FMN1: variants seen among roughly 807,000 people sequenced by gnomAD.
FMN1 encodes the protein formin-1.
Under a neutral mutation model 132.4 loss-of-function variants are expected in FMN1, and 110 were observed. The observed-to-expected ratio is 0.83, with a 90% confidence interval of 0.71 to 0.97. The LOEUF is 0.97. Ranked by LOEUF, FMN1 falls within the 50% of genes least tolerant of loss-of-function variation. FMN1 has a pLI of 0.00. For missense variants in FMN1, 1,792 were observed against 1,705.3 expected, an observed-to-expected ratio of 1.05 and a Z score of -0.90; for synonymous variants, 722 against 651.7, an observed-to-expected ratio of 1.11 and a Z score of -1.64.
chr15:32,877,280 C>G (rs57291244), intron 16 of FMN1, among the ~76,000 whole-genome samples: 1 of 138,028 alleles, frequency 7.2e-6, no homozygotes, highest in East Asian at 2.1e-4. Context: ...GAACAATATT[C>G]TGTCTCAGGA....
At chr15:33,001,982 C>T (rs1487006250) in intron 7 of FMN1, among the ~76,000 whole-genome samples, 1 of 152,094 alleles carries the variant, frequency 6.6e-6, no homozygotes, top group Non-Finnish European at 1.5e-5. Context: ...ATAGGGCTTG[C>T]ATTTTGCTGG....
intron 6 of FMN1, among the ~76,000 whole-genome samples, chr15:33,053,737 TGGAGAG>T (rs770291411): frequency 6.6e-6 from 1 of 152,036 alleles, no homozygotes; most frequent in Non-Finnish European, 1.5e-5. Flanking sequence ...AGCTGCCAAA[TGGAGAG>T]GTATAGGTGA....
In FMN1 at chr15:32,782,983, G is replaced by A. The variant is rs1238927654; in HGVS notation, c.4131-6064C>T. Among the ~76,000 whole-genome samples the A allele has an allele frequency of 3.9e-4, 27 of 69,898 alleles. No individual in the cohort carries two copies. In the Admixed American group the frequency reaches 4.9e-3, roughly 13 times the overall value. The allele number at this position is 69,898 out of a possible 152,430, so 45.9% of individuals were successfully genotyped here. ...CATGGACATATAGAGGGAAATAACA[G>A]ACGCTGGGGGTGGGGAGAGTGGGGA... On this transcript the variant is annotated intron_variant, in intron 19 of 20. Coordinates refer to ENST00000616417, the MANE Select transcript of FMN1 (RefSeq NM_001277313.2).
intron 4 of FMN1, among the ~76,000 whole-genome samples, chr15:33,116,534 G>C (rs1215350155): frequency 2.0e-5 from 3 of 152,084 alleles, no homozygotes; most frequent in East Asian, 3.9e-4. Context: ...TTCAAGAATC[G>C]TTCTTTGCTC....
intron 6 of FMN1, among the ~76,000 whole-genome samples, chr15:33,048,631 C>CAAAAAAAAAAAAAAAAAAAAAAAAAAAAA (rs768997793): frequency 1.2e-4 from 5 of 43,432 alleles, no homozygotes; most frequent in African/African-American, 1.5e-4. Flanking sequence ...GGCAATTTAC[C>CAAAAAAAAAAAAAAAAAAAAAAAAAAAAA]AAAAAAAAAA....
At chr15:32,822,377 T>C (rs1304383533) in intron 17 of FMN1, among the ~76,000 whole-genome samples, 1 of 151,626 alleles carries the variant, frequency 6.6e-6, no homozygotes, top group African/African-American at 2.4e-5. Flanking sequence ...AAAAAGATGA[T>C]CTACGATTAG....
In FMN1 at chr15:32,814,937, T is replaced by TTTA. The variant is rs141495665; in HGVS notation, c.3929-10608_3929-10606dup. ...GTAATAGGCTGCATGTTTATTTTAT[T>TTTA]TTATTATTATTATTATTATTTTTGA... On this transcript the variant is annotated intron_variant, in intron 17 of 20. Coordinates refer to ENST00000616417, the MANE Select transcript of FMN1 (RefSeq NM_001277313.2). 4.0e-5 allele frequency among the ~76,000 whole-genome samples: 6 copies of TTTA among 151,034 alleles called. No homozygotes were observed. The East Asian group carries it at 9.8e-4, about 25-fold the overall frequency.
At chr15:32,930,721 G>GGT (rs1567414292) in intron 9 of FMN1, among the ~76,000 whole-genome samples, 2 of 142,040 alleles carry the variant, frequency 1.4e-5, no homozygotes, top group African/African-American at 5.7e-5. Flanking sequence ...TGCTTTTTTT[G>GGT]GGGGGGGGCG....
At chr15:33,127,638 AAC>A (rs2140209762) in intron 4 of FMN1, among the ~76,000 whole-genome samples, 1 of 135,330 alleles carries the variant, frequency 7.4e-6, no homozygotes, top group South Asian at 2.4e-4. Context: ...TTTCCAATCA[AAC>A]TCAGCACCAT....
At chr15:33,068,214 G>A (rs1404290503) in intron 5 of FMN1, 3 of 246,918 alleles carry the variant, frequency 1.2e-5, no homozygotes, top group East Asian at 2.0e-4. Context: ...AAGCCTTTTT[G>A]TCATAGGGAA....
At chr15:33,178,874 G>A (rs906372806) in intron 3 of FMN1, among the ~76,000 whole-genome samples, 1 of 152,266 alleles carries the variant, frequency 6.6e-6, no homozygotes, top group East Asian at 1.9e-4. Context: ...TTTGATTAAA[G>A]CCTCTCTAAA....
rs1337939432 is a variant in FMN1 at position 33,065,056 on chromosome 15, C to G, written c.2062G>C (p.Glu688Gln). ...CTGCCAGGAGTCCTGTCATCCTGCT[C>G]AGTCAGGCTGTGGTCAGGCTGTTGA... ...LDLHPDHSLT[E>Q]QDDRTPGRLQ... The change falls in exon 6 of 21, where the codon GAG (glutamate) becomes CAG (glutamine). Residue 688 changes from glutamate (E) to glutamine (Q), a missense_variant. This residue lies in a region of FMN1 where 1,150 missense variants were observed against 1,043.1 expected (regional missense o/e 1.10). Coordinates refer to ENST00000616417, the MANE Select transcript of FMN1 (RefSeq NM_001277313.2). The G allele has an allele frequency of 6.2e-7, 1 of 1,610,048 alleles. No homozygotes were observed. The highest frequency in any genetic ancestry group is 8.5e-7 in the Non-Finnish European group (1 of 1,178,056).
At chr15:33,061,358 C>CAT (rs980863114) in intron 6 of FMN1, among the ~76,000 whole-genome samples, 1 of 152,002 alleles carries the variant, frequency 6.6e-6, no homozygotes, top group Non-Finnish European at 1.5e-5. Flanking sequence ...GAAGCAAATC[C>CAT]ATATCATGTA....
intron 3 of FMN1, among the ~76,000 whole-genome samples, chr15:33,159,536 C>T (rs1408445936): frequency 6.6e-6 from 1 of 152,096 alleles, no homozygotes; most frequent in Non-Finnish European, 1.5e-5. Context: ...AAAGTAAGTG[C>T]ACTCTATCCT....
Position 32,969,294 on chromosome 15 carries a change from C to G in FMN1, c.2407G>C (p.Val803Leu). The G allele has an allele frequency of 6.2e-7, 1 of 1,613,952 alleles. No homozygotes were observed. The highest frequency in any genetic ancestry group is 8.5e-7 in the Non-Finnish European group (1 of 1,179,882). Reference sequence around the variant, plus strand: ...GTCTCTCTGTCTGTCTGGACGCACACATTTCTGAAGGTCTTTGGAGGGCAG... The same window carrying G: ...GTCTCTCTGTCTGTCTGGACGCACAGATTTCTGAAGGTCTTTGGAGGGCAG... ...DDCPPKTFRN[V>L]CVQTDRETFL... Residue 803 changes from valine to leucine, a missense_variant, in exon 8 of 21, where the codon GTG (valine) becomes CTG (leucine). Val to Leu is a conservative substitution (Grantham distance 32). Around this residue, in one of 3 missense-constraint regions of FMN1, gnomAD observed 1,150 missense variants for 1,043.1 expected, o/e 1.10. Coordinates refer to ENST00000616417, the MANE Select transcript of FMN1 (RefSeq NM_001277313.2).
chr15:33,178,469 C>G (rs939546268), intron 3 of FMN1, among the ~76,000 whole-genome samples: 1 of 152,214 alleles, frequency 6.6e-6, no homozygotes, highest in Non-Finnish European at 1.5e-5. Flanking sequence ...TTAGCTACCT[C>G]TGTTAGATTG....
intron 10 of FMN1, among the ~76,000 whole-genome samples, chr15:32,919,159 G>GT (rs2140312743): frequency 6.6e-6 from 1 of 151,916 alleles, no homozygotes; most frequent in African/African-American, 2.4e-5. Context: ...TATTGTGATG[G>GT]GGGGGGTATT....
chr15:33,029,771 C>T (rs1342829127), intron 6 of FMN1, among the ~76,000 whole-genome samples: 1 of 151,904 alleles, frequency 6.6e-6, no homozygotes, highest in Non-Finnish European at 1.5e-5. Context: ...TGGAGTTAAG[C>T]CCCTGAGGAA....
At chr15:33,180,475 A>C (rs1303219863) in intron 2 of FMN1, among the ~76,000 whole-genome samples, 2 of 152,094 alleles carry the variant, frequency 1.3e-5, no homozygotes, top group African/African-American at 2.4e-5. Context: ...CTAATCTCCC[A>C]CCTAAACTAC....
Sources: allele counts gnomAD v4.1 joint callset (sites outside exome capture counted in the v4.1 genomes callset), GRCh38; gene constraint gnomAD v4.1.1; regional missense constraint gnomAD v4.1.1; transcripts MANE v1.5; gene names NCBI Gene and HGNC (gene_info 2026-07-23, HGNC 2026-07-21).